ARB2A: variants seen among roughly 807,000 people sequenced by gnomAD.
ARB2A encodes the protein cotranscriptional regulator ARB2A.
chr5:93,802,223 A>G, the ARB2A span, among the ~76,000 whole-genome samples: 4 of 152,096 alleles, frequency 2.6e-5, no homozygotes, highest in East Asian at 7.7e-4. Flanking sequence ...TTAGGTATCT[A>G]GAGAGTGATA....
At chr5:94,001,157 G>A in the ARB2A span, among the ~76,000 whole-genome samples, 7 of 151,976 alleles carry the variant, frequency 4.6e-5, no homozygotes, top group African/African-American at 7.2e-5. Context: ...ATACACTTTA[G>A]AATCAGTTTA....
chr5:93,814,161 T>C, the ARB2A span, among the ~76,000 whole-genome samples: 1 of 152,202 alleles, frequency 6.6e-6, no homozygotes, highest in Non-Finnish European at 1.5e-5. Context: ...CTTTCTTCAT[T>C]TGGACCCAAC....
chr5:94,064,792 C>T, the ARB2A span, among the ~76,000 whole-genome samples: 1 of 152,130 alleles, frequency 6.6e-6, no homozygotes, highest in Non-Finnish European at 1.5e-5. Flanking sequence ...CAAGCAAAAA[C>T]AGAGAATTCA....
the ARB2A span, among the ~76,000 whole-genome samples, chr5:94,026,958 C>A: frequency 2.0e-5 from 3 of 152,204 alleles, no homozygotes; most frequent in African/African-American, 7.2e-5. Context: ...AAGTCTCAAT[C>A]ATCACCGAAG....
the ARB2A span, among the ~76,000 whole-genome samples, chr5:94,024,027 G>A: frequency 2.0e-5 from 3 of 152,282 alleles, no homozygotes; most frequent in East Asian, 1.9e-4. Flanking sequence ...ATGACTTCAC[G>A]TAGAGCCTGA....
At chr5:94,026,429 G>A in the ARB2A span, among the ~76,000 whole-genome samples, 3 of 152,182 alleles carry the variant, frequency 2.0e-5, no homozygotes, top group East Asian at 5.8e-4. Context: ...GAATTTCATT[G>A]GGTGAAGAAA....
the ARB2A span, among the ~76,000 whole-genome samples, chr5:93,818,216 A>G: frequency 6.6e-6 from 1 of 152,130 alleles, no homozygotes; most frequent in Non-Finnish European, 1.5e-5. Context: ...GGATGTGCAG[A>G]AAGTGGAACC....
At chr5:94,081,633 T>C in the ARB2A span, among the ~76,000 whole-genome samples, 1 of 152,178 alleles carries the variant, frequency 6.6e-6, no homozygotes, top group African/African-American at 2.4e-5. Context: ...TTATATGAAA[T>C]GTCCAGAACA....
the ARB2A span, among the ~76,000 whole-genome samples, chr5:93,678,750 C>G: frequency 6.7e-6 from 1 of 148,892 alleles, no homozygotes; most frequent in Non-Finnish European, 1.5e-5. Flanking sequence ...AGCAAGACTT[C>G]GTCTAAAAAA....
At chr5:93,713,763 A>C in the ARB2A span, among the ~76,000 whole-genome samples, 1 of 152,188 alleles carries the variant, frequency 6.6e-6, no homozygotes, top group East Asian at 1.9e-4. Flanking sequence ...CATACTATAA[A>C]ATTTTCATTG....
chr5:93,740,427 C>A, the ARB2A span: 1 of 801,152 alleles, frequency 1.2e-6, no homozygotes, highest in Non-Finnish European at 1.9e-6. Context: ...ACAATTCCCA[C>A]CCCCATTCCC....
At chr5:93,661,336 A>G in the ARB2A span, among the ~76,000 whole-genome samples, 1 of 152,152 alleles carries the variant, frequency 6.6e-6, no homozygotes, top group South Asian at 2.1e-4. Context: ...TAGGGATAGT[A>G]ATTTGTTTAA....
the ARB2A span, among the ~76,000 whole-genome samples, chr5:93,629,075 C>G: frequency 6.6e-6 from 1 of 152,186 alleles, no homozygotes; most frequent in Non-Finnish European, 1.5e-5. Context: ...AGATGTGAGA[C>G]TCTTCCTTTC....
chr5:93,819,133 T>C, the ARB2A span, among the ~76,000 whole-genome samples: 2 of 131,940 alleles, frequency 1.5e-5, no homozygotes, highest in Non-Finnish European at 3.1e-5. Context: ...TTGCAGTGAG[T>C]CGAGATCGCG....
the ARB2A span, among the ~76,000 whole-genome samples, chr5:94,023,248 T>C: frequency 6.6e-6 from 1 of 152,166 alleles, no homozygotes; most frequent in Admixed American, 6.5e-5. Context: ...CCTATATGAA[T>C]GGGAACGTAC....
At chr5:94,053,086 T>C in the ARB2A span, 1 of 1,088,484 alleles carries the variant, frequency 9.2e-7, no homozygotes, top group South Asian at 1.4e-5. Context: ...GATAGATAGA[T>C]AGATAGATAG....
the ARB2A span, among the ~76,000 whole-genome samples, chr5:93,674,942 C>T: frequency 6.6e-6 from 1 of 152,136 alleles, no homozygotes; most frequent in Non-Finnish European, 1.5e-5. Context: ...GCACTGTTTA[C>T]AATTTATAAT....
the ARB2A span, among the ~76,000 whole-genome samples, chr5:93,899,745 T>G: frequency 6.6e-6 from 1 of 152,200 alleles, no homozygotes; most frequent in Non-Finnish European, 1.5e-5. Flanking sequence ...ATTACTAGGT[T>G]AAACAGAAGA....
chr5:93,900,502 T>C, the ARB2A span, among the ~76,000 whole-genome samples: 5 of 151,208 alleles, frequency 3.3e-5, no homozygotes, highest in East Asian at 9.8e-4. Flanking sequence ...TCCCAGCTAC[T>C]CAGGAGGCTG....
Sources: gnomAD v4.1 joint callset for allele counts (sites outside exome capture counted in the v4.1 genomes callset) on GRCh38, gnomAD v4.1.1 for gene constraint, MANE v1.5 for transcripts, NCBI Gene and HGNC (gene_info 2026-07-23, HGNC 2026-07-21) for gene names.